The following LRRC4C variants were observed in gnomAD, a reference collection of about 807,000 sequenced individuals.
LRRC4C encodes the protein leucine-rich repeat-containing protein 4C.
A neutral mutation model predicts 33.6 loss-of-function variants in LRRC4C; 5 were observed. The observed-to-expected ratio is 0.15, with a 90% CI of 0.08 to 0.31. The LOEUF (loss-of-function observed/expected upper bound fraction) is 0.31. LRRC4C is among the 10% of genes least tolerant of loss of function. The pLI is 1.00. For synonymous variants in LRRC4C, 329 were observed against 302.0 expected (o/e 1.09, Z -0.93); for missense variants, 560 against 796.7 (o/e 0.70, Z 3.58).
intron 1 of LRRC4C, among the ~76,000 whole-genome samples, chr11:41,270,829 A>T (rs186907656): frequency 6.6e-6 from 1 of 152,252 alleles, no homozygotes; most frequent in Non-Finnish European, 1.5e-5. Flanking sequence ...TTGTATTCAG[A>T]AGTCTAAAAT....
In LRRC4C at chr11:40,324,455, G is replaced by A. The variant is rs147626270; in HGVS notation, c.-269-4734C>T. ...ACTTAGCAATTCCAAATCTCATGGC[G>A]TTCCTTTTGACGGTGAAATGAAATG... is the stretch of plus-strand genomic sequence containing the variant. On this transcript the variant is annotated intron_variant, in intron 3 of 6. Transcript: ENST00000528697. Among the ~76,000 whole-genome samples, 544 of 152,264 alleles carry A rather than the reference G, an allele frequency of 3.6e-3. 5 individuals are homozygous for A. Among genetic ancestry groups the A allele is most frequent in the Admixed American group, 5.2e-3 (79 of 15,292 alleles).
intron 4 of LRRC4C, among the ~76,000 whole-genome samples, chr11:40,265,837 C>T (rs983700415): frequency 3.2e-4 from 49 of 152,198 alleles, no homozygotes; most frequent in Middle Eastern, 3.4e-3. Flanking sequence ...TGAGTTGCTG[C>T]GGGGGCAATG....
At chr11:41,149,491 C>T (rs1943891332) in intron 1 of LRRC4C, among the ~76,000 whole-genome samples, 1 of 120,428 alleles carries the variant, frequency 8.3e-6, no homozygotes, top group Non-Finnish European at 1.6e-5. Flanking sequence ...GCCTGGGCGA[C>T]AGAGCGAGAC....
At chr11:41,444,708 G>A (rs1955764334) in intron 1 of LRRC4C, among the ~76,000 whole-genome samples, 1 of 152,084 alleles carries the variant, frequency 6.6e-6, no homozygotes, top group Non-Finnish European at 1.5e-5. Context: ...AAATTGGGTA[G>A]GGAAATGAGA....
At chr11:41,006,923 T>C (rs1439742904) in intron 1 of LRRC4C, among the ~76,000 whole-genome samples, 1 of 152,104 alleles carries the variant, frequency 6.6e-6, no homozygotes, top group African/African-American at 2.4e-5. Context: ...AAGAAAAAGA[T>C]TGTGATTTTT....
chr11:41,161,116 A>G (rs1192279003), intron 1 of LRRC4C, among the ~76,000 whole-genome samples: 2 of 152,194 alleles, frequency 1.3e-5, no homozygotes, highest in African/African-American at 2.4e-5. Flanking sequence ...ACAAATGCCC[A>G]TGATAACTAC....
At chr11:40,753,418 C>A (rs1948792808) in intron 2 of LRRC4C, among the ~76,000 whole-genome samples, 1 of 149,730 alleles carries the variant, frequency 6.7e-6, no homozygotes, top group South Asian at 2.1e-4. Context: ...ATATGAAGTA[C>A]CAGTAAAAAA....
At chr11:40,375,533 G>A (rs59650422) in intron 3 of LRRC4C, among the ~76,000 whole-genome samples, 40 of 152,184 alleles carry the variant, frequency 2.6e-4, no homozygotes, top group African/African-American at 9.6e-4. Flanking sequence ...TTTTGCCAAG[G>A]TCTAACATTT....
At chr11:40,633,396 T>TCTCTCTCTCTCTC (rs1565581276) in intron 3 of LRRC4C, among the ~76,000 whole-genome samples, 12 of 86,738 alleles carry the variant, frequency 1.4e-4, no homozygotes, top group Admixed American at 3.2e-4. Context: ...TCTTTCTTTC[T>TCTCTCTCTCTCTC]TTTTTTTTTT....
At position 40,564,097 on chromosome 11, in the gene LRRC4C, G is replaced by C. The variant is rs11035925; in HGVS notation, c.-270+84045C>G. ...AACTCCTGGGATTGAATTTCAAAGGGTATTGATTAAGGACAGACAGGATGT... is the reference window on the plus strand; with the variant it reads ...AACTCCTGGGATTGAATTTCAAAGGCTATTGATTAAGGACAGACAGGATGT... On this transcript the variant is annotated intron_variant, in intron 3 of 6. Coordinates refer to ENST00000528697, the MANE Select transcript of LRRC4C (RefSeq NM_001258419.2). Among the ~76,000 whole-genome samples, 1,012 of 152,280 alleles carry C rather than the reference G, an allele frequency of 6.6e-3. 16 individuals carry two copies. Among genetic ancestry groups the C allele is most frequent in the African/African-American group, 0.023 (970 of 41,574 alleles).
intron 3 of LRRC4C, among the ~76,000 whole-genome samples, chr11:40,601,753 CT>C (rs1162750133): frequency 1.3e-5 from 2 of 152,090 alleles, no homozygotes; most frequent in Non-Finnish European, 2.9e-5. Flanking sequence ...ATAATTCATG[CT>C]GATATTTTTC....
At chr11:40,850,164 T>A (rs1159828582) in intron 2 of LRRC4C, among the ~76,000 whole-genome samples, 1 of 152,030 alleles carries the variant, frequency 6.6e-6, no homozygotes, top group African/African-American at 2.4e-5. Flanking sequence ...ATCCAGTTTT[T>A]TTTTCCCTTG....
intron 2 of LRRC4C, among the ~76,000 whole-genome samples, chr11:40,855,131 C>T (rs1349383616): frequency 2.0e-5 from 3 of 152,088 alleles, no homozygotes; most frequent in Non-Finnish European, 2.9e-5. Context: ...TTTCAGTGTC[C>T]TCCAGCTGTA....
chr11:40,150,661 C>T (rs927007554), intron 5 of LRRC4C, among the ~76,000 whole-genome samples: 2 of 152,038 alleles, frequency 1.3e-5, no homozygotes, highest in African/African-American at 4.8e-5. Context: ...CCAGGCTGTT[C>T]TCAAACCCCT....
intron 2 of LRRC4C, among the ~76,000 whole-genome samples, chr11:40,698,079 A>T (rs546706079): frequency 6.6e-6 from 1 of 152,054 alleles, no homozygotes; most frequent in South Asian, 2.1e-4. Flanking sequence ...AAAAAAAAAA[A>T]AAAAAAATTA....
intron 1 of LRRC4C, among the ~76,000 whole-genome samples, chr11:41,163,233 G>A (rs905561580): frequency 1.4e-5 from 2 of 140,012 alleles, no homozygotes; most frequent in Non-Finnish European, 3.1e-5. Flanking sequence ...TCTCAGGTAT[G>A]TCTTTATTAG....
At chr11:40,973,360 A>G (rs1170079460) in intron 1 of LRRC4C, among the ~76,000 whole-genome samples, 1 of 152,206 alleles carries the variant, frequency 6.6e-6, no homozygotes, top group South Asian at 2.1e-4. Context: ...TAAAGGAAAC[A>G]AACAAAAACC....
intron 1 of LRRC4C, among the ~76,000 whole-genome samples, chr11:41,169,733 C>G (rs1458142970): frequency 6.6e-6 from 1 of 152,070 alleles, no homozygotes; most frequent in Non-Finnish European, 1.5e-5. Context: ...AAGGAGATCC[C>G]AGATAGCAAC....
At chr11:40,259,773 C>T (rs1867539338) in intron 4 of LRRC4C, among the ~76,000 whole-genome samples, 2 of 152,076 alleles carry the variant, frequency 1.3e-5, no homozygotes, top group African/African-American at 4.8e-5. Flanking sequence ...TGATCTATAT[C>T]TCTGTTTTGG....
Sources: allele counts gnomAD v4.1 joint callset (sites outside exome capture counted in the v4.1 genomes callset), GRCh38; gene constraint gnomAD v4.1.1; transcripts MANE v1.5; gene names NCBI Gene and HGNC (gene_info 2026-07-23, HGNC 2026-07-21).